Variants in SUGCT observed in about 807,000 individuals in gnomAD.
The protein encoded by SUGCT is succinyl-CoA:glutarate-CoA transferase, also known as succinyl-CoA:glutarate CoA-transferase.
Under a neutral mutation model 55.0 loss-of-function variants are expected in SUGCT, and 41 were observed. The observed-to-expected ratio is 0.74, with a 90% CI of 0.58 to 0.97. The LOEUF (loss-of-function observed/expected upper bound fraction) is 0.97. Among genes scored for constraint, SUGCT ranks in the 50% least tolerant of loss-of-function variants. SUGCT has a pLI of 0.00. For synonymous variants in SUGCT, 187 were observed against 200.4 expected, an observed-to-expected ratio of 0.93 and a Z score of 0.56; for missense variants, 568 against 547.8, an observed-to-expected ratio of 1.04 and a Z score of -0.37.
At chr7:40,214,870 C>T (rs60848448) in intron 6 of SUGCT, among the ~76,000 whole-genome samples, 2,819 of 151,208 alleles carry the variant, frequency 0.019, 79 homozygotes, top group African/African-American at 0.065. Context: ...GCCGAGACCA[C>T]GCCACTGCAC....
At chr7:40,788,502 A>G (rs1168818412) in intron 13 of SUGCT, among the ~76,000 whole-genome samples, 1 of 152,244 alleles carries the variant, frequency 6.6e-6, no homozygotes, top group Non-Finnish European at 1.5e-5. Flanking sequence ...ACAAAGGTGA[A>G]AGTAGGAAGT....
intron 13 of SUGCT, among the ~76,000 whole-genome samples, chr7:40,849,236 AGAAAAAAATCAAAT>A (rs1793731306): frequency 6.6e-6 from 1 of 152,168 alleles, no homozygotes; most frequent in African/African-American, 2.4e-5. Context: ...TCAGAAATTA[AGAAAAAAATCAAAT>A]GAAAAAAATC....
chr7:40,687,315 A>G (rs957362631), intron 12 of SUGCT, among the ~76,000 whole-genome samples: 1 of 152,230 alleles, frequency 6.6e-6, no homozygotes, highest in East Asian at 1.9e-4. Context: ...GGAAGCAGAC[A>G]TTTAAGCAGA....
intron 12 of SUGCT, chr7:40,538,396 T>C (rs1455533310): frequency 6.6e-6 from 1 of 152,144 alleles, no homozygotes; most frequent in Non-Finnish European, 1.5e-5. Flanking sequence ...AAGTTTAAAG[T>C]TTCTGCACAA....
intron 13 of SUGCT, among the ~76,000 whole-genome samples, chr7:40,764,319 A>G (rs1788672431): frequency 6.6e-6 from 1 of 152,156 alleles, no homozygotes; most frequent in Non-Finnish European, 1.5e-5. Flanking sequence ...ATTTCTATTT[A>G]TGGGACATTT....
chr7:40,879,167 G>A, the SUGCT span, among the ~76,000 whole-genome samples: 25 of 152,030 alleles, frequency 1.6e-4, no homozygotes, highest in Non-Finnish European at 2.8e-4. Context: ...TTTGTCTACC[G>A]ATGACTTCCT....
chr7:40,666,993 T>G (rs1300027181), intron 12 of SUGCT, among the ~76,000 whole-genome samples: 1 of 151,728 alleles, frequency 6.6e-6, no homozygotes, highest in Non-Finnish European at 1.5e-5. Flanking sequence ...TGCACGCCTG[T>G]GATCCCAGCT....
intron 1 of SUGCT, among the ~76,000 whole-genome samples, chr7:40,167,740 A>G (rs1047590397): frequency 3.3e-5 from 5 of 152,190 alleles, no homozygotes; most frequent in Non-Finnish European, 5.9e-5. Flanking sequence ...GAGAGCGGCA[A>G]TGGGTGCCTC....
At chr7:40,516,959 A>C (rs531931883) in intron 12 of SUGCT, among the ~76,000 whole-genome samples, 1 of 152,054 alleles carries the variant, frequency 6.6e-6, no homozygotes, top group Non-Finnish European at 1.5e-5. Context: ...TGATCGATGA[A>C]GGTGATATGT....
At chr7:40,974,843 A>G in the SUGCT span, among the ~76,000 whole-genome samples, 1 of 152,304 alleles carries the variant, frequency 6.6e-6, no homozygotes. Context: ...CTTATCTATA[A>G]TGAACATTTT....
chr7:40,141,126 T>C (rs1787958127), intron 1 of SUGCT, among the ~76,000 whole-genome samples: 1 of 152,156 alleles, frequency 6.6e-6, no homozygotes, highest in South Asian at 2.1e-4. Context: ...GACTGCCTTC[T>C]TGGTTTCGTC....
intron 12 of SUGCT, among the ~76,000 whole-genome samples, chr7:40,512,132 A>G (rs1792965222): frequency 6.6e-6 from 1 of 152,212 alleles, no homozygotes; most frequent in South Asian, 2.1e-4. Flanking sequence ...ACAGATTCTC[A>G]GTTTTGCAAA....
At chr7:40,540,058 A>T (rs1259068542) in intron 12 of SUGCT, among the ~76,000 whole-genome samples, 1 of 152,234 alleles carries the variant, frequency 6.6e-6, no homozygotes, top group East Asian at 1.9e-4. Flanking sequence ...GGACTAAAAC[A>T]TAGAACCAAA....
chr7:40,626,396 A>C, intron 12 of SUGCT, among the ~76,000 whole-genome samples: 1 of 151,364 alleles, frequency 6.6e-6, no homozygotes. Context: ...AGCTGTGACT[A>C]CAGGCGTGTG....
At chr7:40,411,588 T>G (rs1786695317) in intron 9 of SUGCT, among the ~76,000 whole-genome samples, 1 of 151,910 alleles carries the variant, frequency 6.6e-6, no homozygotes, top group Non-Finnish European at 1.5e-5. Flanking sequence ...AAGATAGAAG[T>G]AGATTGGTGG....
intron 9 of SUGCT, among the ~76,000 whole-genome samples, chr7:40,344,523 T>A (rs557468112): frequency 7.4e-4 from 112 of 152,292 alleles, no homozygotes; most frequent in African/African-American, 2.6e-3. Context: ...AGTCCATAAA[T>A]AAAGTTTTAT....
At chr7:40,930,050 T>C in the SUGCT span, among the ~76,000 whole-genome samples, 1 of 152,128 alleles carries the variant, frequency 6.6e-6, no homozygotes, top group Non-Finnish European at 1.5e-5. Flanking sequence ...TTTTATGGTT[T>C]TAGGTCTAAC....
At chr7:40,693,301 G>A (rs984501159) in intron 12 of SUGCT, among the ~76,000 whole-genome samples, 6 of 152,190 alleles carry the variant, frequency 3.9e-5, no homozygotes, top group Admixed American at 3.9e-4. Flanking sequence ...TTCCTTATTT[G>A]TGGATGAGAA....
At chr7:40,510,690 A>T in intron 12 of SUGCT, among the ~76,000 whole-genome samples, 1 of 152,200 alleles carries the variant, frequency 6.6e-6, no homozygotes, top group Admixed American at 6.5e-5. Flanking sequence ...CATTTTTGTT[A>T]CAAAATTATA....
Sources: allele counts gnomAD v4.1 joint callset (sites outside exome capture counted in the v4.1 genomes callset), GRCh38; gene constraint gnomAD v4.1.1; transcripts MANE v1.5; gene names NCBI Gene and HGNC (gene_info 2026-07-23, HGNC 2026-07-21).